TLE4: variants seen among roughly 807,000 people sequenced by gnomAD.
The protein encoded by TLE4 is TLE family member 4, transcriptional corepressor.
In TLE4, 8 loss-of-function variants were observed where a neutral mutation model predicts 92.8. The observed-to-expected ratio is 0.09, with a 90% confidence interval of 0.05 to 0.16. The LOEUF (loss-of-function observed/expected upper bound fraction) is 0.16. TLE4 is among the 10% of genes least tolerant of loss of function. The pLI is 1.00. For synonymous variants in TLE4, 371 were observed against 374.1 expected (o/e 0.99, Z 0.10); for missense variants, 675 against 997.6 (o/e 0.68, Z 4.36).
intron 6 of TLE4, among the ~76,000 whole-genome samples, chr9:79,628,412 G>T (rs896476782): frequency 6.6e-6 from 1 of 151,828 alleles, no homozygotes; most frequent in African/African-American, 2.4e-5. Context: ...TGTGGATAAG[G>T]GTCGCCTGAT....
chr9:79,657,134 G>T (rs568194705), intron 8 of TLE4, among the ~76,000 whole-genome samples: 1 of 152,184 alleles, frequency 6.6e-6, no homozygotes, highest in South Asian at 2.1e-4. Flanking sequence ...TGTGTTGTAG[G>T]GCTGTTGAAG....
chr9:79,698,020 A>G (rs2068735200), intron 8 of TLE4, among the ~76,000 whole-genome samples: 1 of 152,184 alleles, frequency 6.6e-6, no homozygotes, highest in Non-Finnish European at 1.5e-5. Flanking sequence ...TTGTTTCCAC[A>G]TTTGCCAAAA....
chr9:79,649,923 G>GTTT, intron 6 of TLE4: 14 of 1,199,210 alleles, frequency 1.2e-5, no homozygotes, highest in Non-Finnish European at 1.5e-5. Context: ...TTTGTTTTTT[G>GTTT]TTTTTTTTTT....
intron 2 of TLE4, among the ~76,000 whole-genome samples, chr9:79,574,650 A>G (rs1419835197): frequency 6.6e-6 from 1 of 152,320 alleles, no homozygotes; most frequent in East Asian, 1.9e-4. Flanking sequence ...CTTAATTAAA[A>G]AAAAAATCCT....
intron 14 of TLE4, among the ~76,000 whole-genome samples, chr9:79,715,617 G>A (rs1056773734): frequency 1.3e-5 from 2 of 152,088 alleles, no homozygotes; most frequent in African/African-American, 4.8e-5. Context: ...TCAGGCTCGT[G>A]CCATTGGACT....
At chr9:79,686,953 G>A (rs1234614670) in intron 8 of TLE4, among the ~76,000 whole-genome samples, 8 of 152,166 alleles carry the variant, frequency 5.3e-5, no homozygotes, top group Non-Finnish European at 1.2e-4. Flanking sequence ...AACTGTACAT[G>A]TTAAAAGCTT....
At chr9:79,666,226 T>G (rs71496285) in intron 8 of TLE4, among the ~76,000 whole-genome samples, 66,994 of 117,112 alleles carry the variant, frequency 0.57, 19,652 homozygotes, top group East Asian at 0.73. Flanking sequence ...TGTTTTTTTT[T>G]TTTTTTTTTT....
intron 4 of TLE4, among the ~76,000 whole-genome samples, chr9:79,604,927 A>G (rs1249402422): frequency 6.6e-6 from 1 of 152,158 alleles, no homozygotes; most frequent in Non-Finnish European, 1.5e-5. Context: ...CTAAGTATGG[A>G]AAAGCTTAAT....
intron 4 of TLE4, among the ~76,000 whole-genome samples, chr9:79,585,872 G>A (rs1435062139): frequency 1.3e-5 from 2 of 148,192 alleles, no homozygotes; most frequent in Admixed American, 6.8e-5. Flanking sequence ...ACAGTGAGAC[G>A]CAGATGTTAG....
chr9:79,690,463 A>T (rs893417894), intron 8 of TLE4, among the ~76,000 whole-genome samples: 40 of 152,144 alleles, frequency 2.6e-4, no homozygotes, highest in African/African-American at 9.4e-4. Flanking sequence ...TGGAAATTTA[A>T]TTCTGGTTGA....
At chr9:79,671,351 A>G (rs2062309454) in intron 8 of TLE4, 3 of 446,164 alleles carry the variant, frequency 6.7e-6, no homozygotes, top group South Asian at 3.1e-5. Context: ...AGGAAAAGCT[A>G]ATAACTACCC....
rs1276983955 is a variant in TLE4 at position 79,709,708 on chromosome 9, CT to C, written c.1340+14del. 6.8e-6 allele frequency: 11 copies of C among 1,613,570 alleles called. No homozygotes were observed. The highest frequency in any genetic ancestry group is 9.3e-6 in the Non-Finnish European group (11 of 1,179,716). ...ATTCCAGGAGGAAAACCGTGAGTAC[CT>C]TTTTGCCTCTGTGCTCATTGTGTGT... is the stretch of plus-strand genomic sequence containing the variant. On this transcript the variant is annotated intron_variant, in intron 14 of 19. Transcript: ENST00000376552.
At chr9:79,652,848 T>C in intron 7 of TLE4, 54 bp downstream of exon 7, 1 of 1,563,116 alleles carries the variant, frequency 6.4e-7, no homozygotes, top group Non-Finnish European at 8.8e-7. Context: ...CTGCTGAGGG[T>C]AGGTTCTGGA....
chr9:79,717,569 C>T (rs1183692300), intron 14 of TLE4, among the ~76,000 whole-genome samples: 4 of 152,160 alleles, frequency 2.6e-5, no homozygotes, highest in Non-Finnish European at 5.9e-5. Flanking sequence ...TGGGAGCATT[C>T]AGGTAGTTGA....
In TLE4 at chr9:79,573,651, G is replaced by A. The variant is rs377562977; in HGVS notation, c.46-38G>A. ...TTCTCCGTCTCCCTGCTTCGCCTGTGATGTGGGCTAATTAAATATTTTATT... is the reference window on the plus strand; with the variant it reads ...TTCTCCGTCTCCCTGCTTCGCCTGTAATGTGGGCTAATTAAATATTTTATT... On this transcript the variant is annotated intron_variant, in intron 1 of 19. Transcript: ENST00000376552. The A allele has an allele frequency of 1.3e-4, 197 of 1,522,132 alleles. 2 individuals are homozygous for A. The South Asian group carries it at 1.8e-3, about 14-fold the overall frequency. 94.3% of individuals were successfully genotyped at this position (1,522,132 alleles called of 1,614,324 possible). A position where few individuals can be genotyped will look rare whatever the true frequency, so the allele number is the denominator to read the frequency against.
chr9:79,594,891 CATACTT>C (rs1483486583), intron 4 of TLE4, among the ~76,000 whole-genome samples: 1 of 152,248 alleles, frequency 6.6e-6, no homozygotes, highest in African/African-American at 2.4e-5. Flanking sequence ...AAAGCTCAAA[CATACTT>C]AAGCTGTAAC....
At chr9:79,620,263 A>G (rs997045520) in intron 5 of TLE4, among the ~76,000 whole-genome samples, 1 of 152,252 alleles carries the variant, frequency 6.6e-6, no homozygotes, top group African/African-American at 2.4e-5. Flanking sequence ...TGTAAAGTTG[A>G]ATAAAATTAA....
intron 9 of TLE4, 30 bp downstream of exon 9, chr9:79,704,932 G>C: frequency 6.2e-7 from 1 of 1,611,534 alleles, no homozygotes; most frequent in Non-Finnish European, 8.5e-7. Flanking sequence ...TGTTAGGGGA[G>C]GCCAGCTTGC....
intron 5 of TLE4, among the ~76,000 whole-genome samples, chr9:79,622,986 A>G (rs1269595256): frequency 1.3e-5 from 2 of 152,116 alleles, no homozygotes; most frequent in Non-Finnish European, 2.9e-5. Flanking sequence ...TTTTATATCT[A>G]TCTCTACCCT....
Sources: allele counts gnomAD v4.1 joint callset (sites outside exome capture counted in the v4.1 genomes callset), GRCh38; gene constraint gnomAD v4.1.1; transcripts MANE v1.5; gene names NCBI Gene and HGNC (gene_info 2026-07-23, HGNC 2026-07-21).